Variants in PITPNC1 observed in about 807,000 individuals in gnomAD.
PITPNC1 encodes cytoplasmic phosphatidylinositol transfer protein 1.
A neutral mutation model predicts 44.7 loss-of-function variants in PITPNC1; 18 were observed. That is an observed-to-expected ratio of 0.40 (90% confidence interval 0.28 to 0.60). The LOEUF is 0.60. Among genes scored for constraint, PITPNC1 ranks in the 20% least tolerant of loss-of-function variants. The probability of loss-of-function intolerance (pLI) is 0.39; values close to 1 mark genes in which losing one functional copy is unlikely to be tolerated. For synonymous variants in PITPNC1, 141 were observed against 149.6 expected (o/e 0.94, Z 0.42); for missense variants, 290 against 418.4 (o/e 0.69, Z 2.68).
At chr17:67,494,062 C>T (rs2039897415) in intron 1 of PITPNC1, among the ~76,000 whole-genome samples, 1 of 152,172 alleles carries the variant, frequency 6.6e-6, no homozygotes, top group Admixed American at 6.5e-5. Context: ...AGCTGACCTT[C>T]CAGTGGGAGC....
At chr17:67,568,196 C>A (rs2041006626) in intron 4 of PITPNC1, among the ~76,000 whole-genome samples, 1 of 152,066 alleles carries the variant, frequency 6.6e-6, no homozygotes, top group Non-Finnish European at 1.5e-5. Flanking sequence ...CCCATACATG[C>A]TAGAACATGG....
At position 67,686,971 on chromosome 17, in the gene PITPNC1, C is replaced by A. The variant is rs541061598; in HGVS notation, c.683-5601C>A. On this transcript the variant is annotated intron_variant, in intron 8 of 8. Coordinates refer to ENST00000581322, the MANE Select transcript of PITPNC1 (RefSeq NM_012417.4). ...ACAAGTCTCTGCTTTTTTAAACCTC[C>A]TTGGCTACTGCTCAGCTACCATCTT... The A allele has an allele frequency of 1.6e-5, 12 of 733,070 alleles. No individual in the cohort carries two copies. In the African/African-American group the frequency reaches 1.9e-4, roughly 12 times the overall value. 45.4% of individuals were successfully genotyped at this position (733,070 alleles called of 1,614,324 possible).
intron 5 of PITPNC1, among the ~76,000 whole-genome samples, chr17:67,585,351 T>TATA (rs940555106): frequency 6.6e-6 from 1 of 152,158 alleles, no homozygotes; most frequent in African/African-American, 2.4e-5. Context: ...ATGAGATATA[T>TATA]GTTCCCCCAC....
chr17:67,674,459 G>A (rs1404974441), intron 7 of PITPNC1, among the ~76,000 whole-genome samples: 1 of 149,500 alleles, frequency 6.7e-6, no homozygotes, highest in Non-Finnish European at 1.5e-5. Flanking sequence ...AGTTGAGATT[G>A]CACCACTGCA....
intron 1 of PITPNC1, chr17:67,408,672 CTCTTTCTT>C (rs749055092): frequency 1.1e-5 from 1 of 87,774 alleles, no homozygotes; most frequent in Non-Finnish European, 2.5e-5. Context: ...TGCTTGCTTT[CTCTTTCTT>C]CCTTCCTTCC....
chr17:67,631,657 A>AAAAAATATATATATAT lies in PITPNC1; in HGVS notation c.367-485_367-484insAAAATATATATATATA, dbSNP rs1555574522. 1.3e-3 allele frequency among the ~76,000 whole-genome samples: 10 copies of AAAAAATATATATATAT among 7,672 alleles called. 1 individual carries two copies. Among genetic ancestry groups the AAAAAATATATATATAT allele is most frequent in the African/African-American group, 3.3e-3 (9 of 2,710 alleles). The allele number at this position is 7,672 out of a possible 152,430, so 5.0% of individuals were successfully genotyped here. A position where few individuals can be genotyped will look rare whatever the true frequency, so the allele number is the denominator to read the frequency against. ...AACCAAAAAAAAAAAAAAAAAAAAA[A>AAAAAATATATATATAT]ATATATATATATATAAAATATATAT... On this transcript the variant is annotated intron_variant, in intron 5 of 8. Coordinates refer to ENST00000581322, the MANE Select transcript of PITPNC1 (RefSeq NM_012417.4).
chr17:67,572,084 C>T (rs899534297), intron 4 of PITPNC1, among the ~76,000 whole-genome samples: 4 of 152,144 alleles, frequency 2.6e-5, no homozygotes, highest in Admixed American at 2.0e-4. Context: ...TTAGAGAGCA[C>T]GGGATGCTTC....
At chr17:67,462,930 G>C (rs893285682) in intron 1 of PITPNC1, among the ~76,000 whole-genome samples, 3 of 152,120 alleles carry the variant, frequency 2.0e-5, no homozygotes, top group African/African-American at 7.2e-5. Context: ...TCGAACTCCC[G>C]ACGTCAGTTG....
chr17:67,596,780 G>C (rs2041466157), intron 5 of PITPNC1, among the ~76,000 whole-genome samples: 1 of 152,070 alleles, frequency 6.6e-6, no homozygotes. Flanking sequence ...TTGTTCCCTT[G>C]GGTGTTCCTT....
intron 1 of PITPNC1, among the ~76,000 whole-genome samples, chr17:67,434,422 C>G (rs1047356493): frequency 2.0e-5 from 3 of 152,216 alleles, no homozygotes; most frequent in Non-Finnish European, 2.9e-5. Context: ...GTAGCGTTTC[C>G]TTTTCCGGCT....
At chr17:67,428,487 C>T (rs1242226336) in intron 1 of PITPNC1, among the ~76,000 whole-genome samples, 1 of 150,842 alleles carries the variant, frequency 6.6e-6, no homozygotes, top group Non-Finnish European at 1.5e-5. Flanking sequence ...CTGCAGAAAT[C>T]GCACTACTGC....
At chr17:67,649,740 T>A (rs2537829) in intron 6 of PITPNC1, among the ~76,000 whole-genome samples, 13,142 of 150,906 alleles carry the variant, frequency 0.087, 795 homozygotes, top group African/African-American at 0.15. Flanking sequence ...CTAAAAAAAA[T>A]TTTTTTTTTA....
intron 8 of PITPNC1, among the ~76,000 whole-genome samples, chr17:67,685,359 A>G (rs910571530): frequency 1.3e-5 from 2 of 152,218 alleles, no homozygotes; most frequent in Non-Finnish European, 2.9e-5. Flanking sequence ...TCTTCTGCAT[A>G]AAATAGACCA....
At chr17:67,459,332 G>T (rs1432217984) in intron 1 of PITPNC1, among the ~76,000 whole-genome samples, 1 of 152,034 alleles carries the variant, frequency 6.6e-6, no homozygotes, top group Non-Finnish European at 1.5e-5. Flanking sequence ...GGCCAGGCTG[G>T]TCTTGAACTC....
intron 1 of PITPNC1, among the ~76,000 whole-genome samples, chr17:67,405,984 C>T (rs775391530): frequency 6.6e-6 from 1 of 152,106 alleles, no homozygotes; most frequent in Non-Finnish European, 1.5e-5. Flanking sequence ...ATTTAGTCTT[C>T]AATAACTTGC....
rs77653372 is a variant in PITPNC1 at position 67,606,941 on chromosome 17, C to T, written c.367-25202C>T. Among the ~76,000 whole-genome samples the T allele has an allele frequency of 5.1e-3, 775 of 152,276 alleles. 2 individuals carry two copies. Among genetic ancestry groups the T allele is most frequent in the African/African-American group, 0.011 (458 of 41,560 alleles). ...ACTGCCTGTCTGAAAACCTGGCAGTCGCTTGACCTTAAAATGGTCTCTGCA... is the reference window on the plus strand; with the variant it reads ...ACTGCCTGTCTGAAAACCTGGCAGTTGCTTGACCTTAAAATGGTCTCTGCA... On this transcript the variant is annotated intron_variant, in intron 5 of 8. Coordinates refer to ENST00000581322, the MANE Select transcript of PITPNC1 (RefSeq NM_012417.4).
chr17:67,418,384 A>G (rs894181444), intron 1 of PITPNC1, among the ~76,000 whole-genome samples: 6 of 152,324 alleles, frequency 3.9e-5, no homozygotes, highest in Middle Eastern at 3.4e-3. Flanking sequence ...AAGATAAACA[A>G]TGGGAGAAAA....
intron 1 of PITPNC1, among the ~76,000 whole-genome samples, chr17:67,396,424 T>G (rs1171382452): frequency 6.6e-6 from 1 of 152,160 alleles, no homozygotes; most frequent in Admixed American, 6.5e-5. Flanking sequence ...CAGGCTGGAG[T>G]GCAGTGGCGT....
At chr17:67,615,581 C>T (rs2041747727) in intron 5 of PITPNC1, among the ~76,000 whole-genome samples, 1 of 152,132 alleles carries the variant, frequency 6.6e-6, no homozygotes, top group African/African-American at 2.4e-5. Context: ...GCAAAGAATT[C>T]ATTCTTCCAA....
Sources: allele counts gnomAD v4.1 joint callset (sites outside exome capture counted in the v4.1 genomes callset), GRCh38; gene constraint gnomAD v4.1.1; transcripts MANE v1.5; gene names NCBI Gene and HGNC (gene_info 2026-07-23, HGNC 2026-07-21).